Variants in DOP1B observed in about 807,000 individuals in gnomAD.
DOP1B encodes the protein protein DOP1B.
Under a neutral mutation model 233.5 loss-of-function variants are expected in DOP1B, and 174 were observed. That is an observed-to-expected ratio of 0.75 (90% CI 0.66 to 0.85). DOP1B has a LOEUF of 0.85. Among genes scored for constraint, DOP1B ranks in the 40% least tolerant of loss-of-function variants. The probability of loss-of-function intolerance (pLI) is 0.00; values close to 1 mark genes in which losing one functional copy is unlikely to be tolerated. For synonymous variants in DOP1B, 1,190 were observed against 1,185.6 expected, an observed-to-expected ratio of 1.00 and a Z score of -0.08; for missense variants, 2,652 against 2,846.6, an observed-to-expected ratio of 0.93 and a Z score of 1.56.
At chr21:36,179,894 T>G (rs1029871250) in intron 2 of DOP1B, among the ~76,000 whole-genome samples, 1 of 152,208 alleles carries the variant, frequency 6.6e-6, no homozygotes, top group Non-Finnish European at 1.5e-5. Context: ...GATAAATTGC[T>G]AGAGGTGGAG....
intron 2 of DOP1B, among the ~76,000 whole-genome samples, chr21:36,187,032 G>A (rs1481022343): frequency 6.6e-6 from 1 of 152,040 alleles, no homozygotes; most frequent in African/African-American, 2.4e-5. Flanking sequence ...TGGGTAAACT[G>A]ATAAAAATGA....
At chr21:36,227,148 C>T (rs2066696333) in intron 12 of DOP1B, among the ~76,000 whole-genome samples, 2 of 150,564 alleles carry the variant, frequency 1.3e-5, no homozygotes, top group African/African-American at 4.9e-5. Context: ...GCAGAGCTTG[C>T]AGTGAGCCGA....
chr21:36,207,245 C>T (rs555777264), intron 4 of DOP1B, among the ~76,000 whole-genome samples: 7 of 150,370 alleles, frequency 4.7e-5, no homozygotes, highest in Admixed American at 6.7e-5. Flanking sequence ...AGTGCAGTGA[C>T]GGCCTCTCGG....
In DOP1B at chr21:36,211,141, G is replaced by A. The variant is rs115809296; in HGVS notation, c.682-412G>A. 6.1e-3 allele frequency among the ~76,000 whole-genome samples: 922 copies of A among 152,302 alleles called. 9 individuals carry two copies. The highest frequency in any genetic ancestry group is 0.021 in the African/African-American group (855 of 41,558). On this transcript the variant is annotated intron_variant, in intron 5 of 36. Transcript: ENST00000691173. ...TCTGAACTCTGAGCGTTTGTCTGTG[G>A]CTCTAATTTCTTATGCATCTCTAGT...
chr21:36,250,536 G>A (rs963817749), intron 21 of DOP1B, among the ~76,000 whole-genome samples: 1 of 152,170 alleles, frequency 6.6e-6, no homozygotes, highest in Non-Finnish European at 1.5e-5. Context: ...ATTTAACTAC[G>A]GTGGGCACTG....
intron 12 of DOP1B, among the ~76,000 whole-genome samples, chr21:36,227,270 A>T (rs1403682133): frequency 6.9e-6 from 1 of 144,438 alleles, no homozygotes; most frequent in Non-Finnish European, 1.5e-5. Flanking sequence ...AATGTGGGTC[A>T]GGCACGGTGG....
Position 36,208,771 on chromosome 21 carries a change from C to T in DOP1B, c.548C>T (p.Thr183Ile). The T allele has an allele frequency of 3.1e-6, 5 of 1,613,426 alleles. No homozygotes were observed. The highest frequency in any genetic ancestry group is 3.4e-6 in the Non-Finnish European group (4 of 1,179,700). ...SLVVGKEVFY[T>I]ALWGSVLASP... ...GTGGTTGGCAAAGAGGTGTTTTACACCGCCCTCTGGGGGAGCGTCCTGGCC... is the reference window on the plus strand; with the variant it reads ...GTGGTTGGCAAAGAGGTGTTTTACATCGCCCTCTGGGGGAGCGTCCTGGCC... Residue 183 changes from threonine to isoleucine, a missense_variant, in exon 5 of 37, where the codon ACC (threonine) becomes ATC (isoleucine). Physicochemically the swap from Thr to Ile is moderately conservative, Grantham distance 89. Around this residue, in one of 3 missense-constraint regions of DOP1B, gnomAD observed 2,617 missense variants for 2,794.3 expected, o/e 0.94. Transcript: ENST00000691173.
chr21:36,240,996 G>A (rs911545785), intron 18 of DOP1B, among the ~76,000 whole-genome samples: 7 of 152,048 alleles, frequency 4.6e-5, no homozygotes, highest in African/African-American at 1.7e-4. Flanking sequence ...GGCAAGACAA[G>A]GGTTAAAAAG....
At chr21:36,180,800 G>C (rs777445475) in intron 2 of DOP1B, among the ~76,000 whole-genome samples, 1 of 151,788 alleles carries the variant, frequency 6.6e-6, no homozygotes, top group African/African-American at 2.4e-5. Flanking sequence ...AGAATCGCTT[G>C]AACCCATGAG....
At chr21:36,208,192 A>T (rs879703357) in intron 4 of DOP1B, among the ~76,000 whole-genome samples, 1 of 151,788 alleles carries the variant, frequency 6.6e-6, no homozygotes, top group Non-Finnish European at 1.5e-5. Flanking sequence ...GGCCCCAGGC[A>T]GATTTGCCCC....
At chr21:36,187,596 C>T (rs1569008296) in intron 2 of DOP1B, among the ~76,000 whole-genome samples, 1 of 150,378 alleles carries the variant, frequency 6.6e-6, no homozygotes, top group African/African-American at 2.5e-5. Flanking sequence ...TGTGCCCAGC[C>T]TATTTATTTT....
At chr21:36,257,337 T>C (rs546450286) in intron 23 of DOP1B, among the ~76,000 whole-genome samples, 29 of 152,264 alleles carry the variant, frequency 1.9e-4, no homozygotes, top group African/African-American at 6.7e-4. Flanking sequence ...CGAAGTGTGA[T>C]TGGACAAAAA....
intron 21 of DOP1B, among the ~76,000 whole-genome samples, chr21:36,249,812 C>G (rs1434223888): frequency 1.3e-5 from 2 of 152,164 alleles, no homozygotes; most frequent in African/African-American, 4.8e-5. Flanking sequence ...ATGAGCCTTG[C>G]CATCCTGCAT....
intron 22 of DOP1B, among the ~76,000 whole-genome samples, chr21:36,251,530 C>T (rs2067032801): frequency 6.6e-6 from 1 of 152,188 alleles, no homozygotes; most frequent in African/African-American, 2.4e-5. Context: ...AGTCATTCTC[C>T]TGCCTCAGCC....
chr21:36,273,120 A>C (rs2067309269), intron 27 of DOP1B, among the ~76,000 whole-genome samples: 1 of 148,958 alleles, frequency 6.7e-6, no homozygotes, highest in South Asian at 2.1e-4. Flanking sequence ...AATAAATAAA[A>C]ATAAGGCCAG....
Position 36,288,064 on chromosome 21 carries a change from C to T in DOP1B, c.6211C>T (p.Gln2071Ter). Residue 2071 changes from glutamine (Q) to a stop codon, truncating the protein, a stop_gained, in exon 33 of 37, where the codon CAG becomes TAG. Transcript: ENST00000691173. LOFTEE classifies it high-confidence loss of function. ...TGGACAGACATCCATAGTTGCTGCT[C>T]AGATGTTTCTTTTTTTCAGAGTTTT... ...RVGQTSIVAA[Q>*]MFLFFRVLLL... The T allele has an allele frequency of 6.2e-7, 1 of 1,614,040 alleles. No individual in the cohort carries two copies. The highest frequency in any genetic ancestry group is 1.1e-5 in the South Asian group (1 of 91,068).
chr21:36,273,564 A>G (rs570076775), intron 27 of DOP1B, among the ~76,000 whole-genome samples: 2 of 152,250 alleles, frequency 1.3e-5, no homozygotes, highest in African/African-American at 4.8e-5. Flanking sequence ...CATGTCCCCA[A>G]GGAGGTGACA....
chr21:36,253,811 G>T lies in DOP1B; in HGVS notation c.5161G>T (p.Asp1721Tyr). The T allele has an allele frequency of 6.2e-7, 1 of 1,613,536 alleles. No homozygotes were observed. The change falls in exon 23 of 37, where the codon GAC becomes TAC. Residue 1721 changes from aspartate (D) to tyrosine (Y), a missense_variant. Asp to Tyr is a radical substitution (Grantham distance 160, BLOSUM62 -3). Around this residue, in one of 3 missense-constraint regions of DOP1B, gnomAD observed 2,617 missense variants for 2,794.3 expected, o/e 0.94. Coordinates refer to ENST00000691173, the MANE Select transcript of DOP1B (RefSeq NM_001320714.2). ...AAGTGCATCCCAGCTAACCCTTGTCGACTTGGTGTGTGCACTCAGCACCCT... is the reference window on the plus strand; with the variant it reads ...AAGTGCATCCCAGCTAACCCTTGTCTACTTGGTGTGTGCACTCAGCACCCT... ...TASASQLTLV[D>Y]LVCALSTLQT...
At chr21:36,255,092 G>T (rs1173237812) in intron 23 of DOP1B, among the ~76,000 whole-genome samples, 1 of 151,572 alleles carries the variant, frequency 6.6e-6, no homozygotes, top group Non-Finnish European at 1.5e-5. Flanking sequence ...TGGGAGTACA[G>T]GTGCATGCTA....
Sources: gnomAD v4.1 joint callset for allele counts (sites outside exome capture counted in the v4.1 genomes callset) on GRCh38, gnomAD v4.1.1 for gene constraint, gnomAD v4.1.1 regional missense constraint, MANE v1.5 for transcripts, NCBI Gene and HGNC (gene_info 2026-07-23, HGNC 2026-07-21) for gene names.